The following CDH12 variants were observed in gnomAD, a reference collection of about 807,000 sequenced individuals.
CDH12 encodes cadherin 12, also known as cadherin-12.
In CDH12, 41 loss-of-function variants were observed where a neutral mutation model predicts 74.1. That is an observed-to-expected ratio of 0.55 (90% CI 0.43 to 0.72). The LOEUF is 0.72. CDH12 is among the 30% of genes least tolerant of loss of function. The probability of loss-of-function intolerance (pLI) is 0.00; values close to 1 mark genes in which losing one functional copy is unlikely to be tolerated. For synonymous variants in CDH12, 399 were observed against 355.0 expected (o/e 1.12, Z -1.39); for missense variants, 945 against 977.2 (o/e 0.97, Z 0.44).
chr5:22,472,994 G>T (rs1746028082), intron 2 of CDH12, among the ~76,000 whole-genome samples: 1 of 152,070 alleles, frequency 6.6e-6, no homozygotes, highest in South Asian at 2.1e-4. Flanking sequence ...GGCCCTACTT[G>T]ATCTGTCCCT....
intron 6 of CDH12, among the ~76,000 whole-genome samples, chr5:21,942,343 TATATAC>T (rs1320999132): frequency 1.2e-4 from 12 of 97,536 alleles, no homozygotes; most frequent in South Asian, 1.1e-3. Flanking sequence ...AGTATATATA[TATATAC>T]ACACACACAC....
At chr5:21,911,203 G>C (rs1460730681) in intron 6 of CDH12, among the ~76,000 whole-genome samples, 2 of 152,064 alleles carry the variant, frequency 1.3e-5, no homozygotes, top group African/African-American at 4.8e-5. Context: ...CAAGTTCTTA[G>C]AGAAACACTG....
chr5:22,042,931 T>C (rs964373437), intron 5 of CDH12, among the ~76,000 whole-genome samples: 2 of 148,842 alleles, frequency 1.3e-5, no homozygotes, highest in African/African-American at 5.0e-5. Flanking sequence ...AGACCTATAA[T>C]GAATAACAAG....
chr5:21,900,624 C>G (rs996663559), intron 6 of CDH12, among the ~76,000 whole-genome samples: 2 of 152,118 alleles, frequency 1.3e-5, no homozygotes, highest in Admixed American at 1.3e-4. Context: ...TGGTATTTAT[C>G]TTTTTTCACT....
intron 4 of CDH12, among the ~76,000 whole-genome samples, chr5:22,176,201 G>A (rs1460695011): frequency 6.6e-6 from 1 of 151,818 alleles, no homozygotes; most frequent in Non-Finnish European, 1.5e-5. Flanking sequence ...GACAAACTTT[G>A]TATATCTGAA....
intron 4 of CDH12, among the ~76,000 whole-genome samples, chr5:22,179,809 G>T (rs1447573853): frequency 2.0e-5 from 3 of 152,136 alleles, no homozygotes; most frequent in Admixed American, 2.0e-4. Context: ...GAGTTCTAAA[G>T]TTGAGAGATT....
intron 2 of CDH12, among the ~76,000 whole-genome samples, chr5:22,432,904 C>T (rs1228443808): frequency 1.3e-5 from 2 of 152,002 alleles, no homozygotes; most frequent in Admixed American, 6.6e-5. Context: ...GATCTGTGGA[C>T]GGCCAGAGTC....
chr5:22,068,719 A>C (rs997637613), intron 5 of CDH12, among the ~76,000 whole-genome samples: 2 of 152,204 alleles, frequency 1.3e-5, no homozygotes, highest in African/African-American at 2.4e-5. Context: ...AAAAGGTAAC[A>C]TCAGCAGAGG....
chr5:21,854,184 G>T (rs560267935), intron 7 of CDH12, among the ~76,000 whole-genome samples: 2 of 151,684 alleles, frequency 1.3e-5, no homozygotes, highest in South Asian at 4.1e-4. Flanking sequence ...CAATGATTTT[G>T]GTATTGCAAG....
At chr5:22,740,411 A>G (rs1417906254) in intron 1 of CDH12, among the ~76,000 whole-genome samples, 4 of 151,714 alleles carry the variant, frequency 2.6e-5, no homozygotes, top group Non-Finnish European at 4.4e-5. Context: ...CTCCAGTTAT[A>G]GATTCATTAG....
chr5:22,468,046 TG>T (rs1184268945), intron 2 of CDH12, among the ~76,000 whole-genome samples: 2 of 152,196 alleles, frequency 1.3e-5, no homozygotes, highest in African/African-American at 4.8e-5. Context: ...GCAGTTAAAA[TG>T]GTTTTGCTTC....
intron 2 of CDH12, among the ~76,000 whole-genome samples, chr5:22,458,960 T>C (rs1745398581): frequency 6.6e-6 from 1 of 152,124 alleles, no homozygotes; most frequent in Admixed American, 6.5e-5. Context: ...CTTGAATAAG[T>C]ATATCCATTT....
At chr5:22,074,397 G>T (rs1383949885) in intron 5 of CDH12, among the ~76,000 whole-genome samples, 1 of 152,118 alleles carries the variant, frequency 6.6e-6, no homozygotes, top group Non-Finnish European at 1.5e-5. Flanking sequence ...CAGGACATAG[G>T]CATGGGCAAG....
At position 21,893,872 on chromosome 5, in the gene CDH12, C is replaced by T. The variant is rs112353946; in HGVS notation, c.527-39082G>A. ...GCTGCCAGTGAGATTTTTTTTCTGTCATTAATTATAACCAAGGAATAAAGT... is the reference window on the plus strand; with the variant it reads ...GCTGCCAGTGAGATTTTTTTTCTGTTATTAATTATAACCAAGGAATAAAGT... On this transcript the variant is annotated intron_variant, in intron 6 of 14. Coordinates refer to ENST00000382254, the MANE Select transcript of CDH12 (RefSeq NM_004061.5). Among the ~76,000 whole-genome samples, 35 of 152,080 alleles carry T rather than the reference C, an allele frequency of 2.3e-4. 1 individual carries two copies. Among genetic ancestry groups the T allele is most frequent in the African/African-American group, 7.0e-4 (29 of 41,426 alleles).
At chr5:21,787,327 TA>T (rs1420913627) in intron 10 of CDH12, among the ~76,000 whole-genome samples, 3 of 152,150 alleles carry the variant, frequency 2.0e-5, no homozygotes, top group Admixed American at 2.0e-4. Flanking sequence ...AATTAGTCAG[TA>T]GCCATCCAGT....
At chr5:22,822,807 T>C (rs888989822) in intron 1 of CDH12, among the ~76,000 whole-genome samples, 29 of 152,246 alleles carry the variant, frequency 1.9e-4, no homozygotes, top group African/African-American at 6.5e-4. Context: ...AGTTCAACCA[T>C]TGTGGAAGTC....
chr5:22,274,963 T>C (rs1192685871), intron 3 of CDH12, among the ~76,000 whole-genome samples: 1 of 152,102 alleles, frequency 6.6e-6, no homozygotes, highest in African/African-American at 2.4e-5. Flanking sequence ...ACTGTATGAG[T>C]TCCAATATGA....
intron 6 of CDH12, among the ~76,000 whole-genome samples, chr5:21,911,054 A>T (rs1753839583): frequency 6.6e-6 from 1 of 152,234 alleles, no homozygotes; most frequent in African/African-American, 2.4e-5. Flanking sequence ...TTGCAAAGTT[A>T]ATTTACAAGA....
At chr5:21,826,850 C>T (rs1748701777) in intron 8 of CDH12, among the ~76,000 whole-genome samples, 1 of 151,954 alleles carries the variant, frequency 6.6e-6, no homozygotes, top group South Asian at 2.1e-4. Context: ...TATGAGATAC[C>T]TGCTATTACT....
Sources: gnomAD v4.1 joint callset for allele counts (sites outside exome capture counted in the v4.1 genomes callset) on GRCh38, gnomAD v4.1.1 for gene constraint, MANE v1.5 for transcripts, NCBI Gene and HGNC (gene_info 2026-07-23, HGNC 2026-07-21) for gene names.